CA1: variants seen among roughly 807,000 people sequenced by gnomAD.
The protein encoded by CA1 is carbonic anhydrase 1.
CA1 carries 27 observed loss-of-function variants against 28.8 expected under a neutral mutation model. The ratio of observed to expected loss-of-function variants is 0.94; its 90% CI spans 0.69 to 1.29. The LOEUF (loss-of-function observed/expected upper bound fraction) is 1.29, where lower values mean the gene tolerates loss of function less well. Among genes scored for constraint, CA1 ranks in the 50% most tolerant of loss-of-function variants. The pLI, the probability that CA1 is intolerant of heterozygous loss-of-function variation, is 0.00. For synonymous variants in CA1, 121 were observed against 108.8 expected, an observed-to-expected ratio of 1.11 and a Z score of -0.70; for missense variants, 335 against 310.5, an observed-to-expected ratio of 1.08 and a Z score of -0.59.
At chr8:85,336,020 T>C (rs1010189941) in intron 4 of CA1, among the ~76,000 whole-genome samples, 3 of 152,180 alleles carry the variant, frequency 2.0e-5, no homozygotes, top group Non-Finnish European at 4.4e-5. Context: ...ACTGAAGCAT[T>C]TTTTAATAAA....
intron 1 of CA1, among the ~76,000 whole-genome samples, chr8:85,365,106 A>T (rs1809954156): frequency 6.6e-6 from 1 of 152,238 alleles, no homozygotes; most frequent in Admixed American, 6.5e-5. Flanking sequence ...GAGCTGTATG[A>T]AGCAGAGCAA....
intron 1 of CA1, among the ~76,000 whole-genome samples, chr8:85,347,096 T>TA (rs1230474983): frequency 6.6e-6 from 1 of 152,174 alleles, no homozygotes; most frequent in Non-Finnish European, 1.5e-5. Flanking sequence ...ATTTTAAGGT[T>TA]AAAAAAACAT....
chr8:85,337,961 T>C (rs914937316), intron 3 of CA1: 2 of 509,514 alleles, frequency 3.9e-6, no homozygotes, highest in African/African-American at 1.9e-5. Flanking sequence ...CCTTTCTGGA[T>C]AAATGCTGTT....
intron 1 of CA1, among the ~76,000 whole-genome samples, chr8:85,356,346 TATA>T (rs1809605331): frequency 6.6e-6 from 1 of 152,104 alleles, no homozygotes; most frequent in African/African-American, 2.4e-5. Context: ...AAATAGTATA[TATA>T]AAGTGTCTCA....
chr8:85,373,666 G>A (rs1011789002), intron 1 of CA1, among the ~76,000 whole-genome samples: 4 of 152,064 alleles, frequency 2.6e-5, no homozygotes, highest in African/African-American at 7.2e-5. Flanking sequence ...TATAGGGTTC[G>A]GTACTAGCCA....
At chr8:85,375,980 C>T (rs975976104) in intron 1 of CA1, among the ~76,000 whole-genome samples, 1 of 152,112 alleles carries the variant, frequency 6.6e-6, no homozygotes, top group Non-Finnish European at 1.5e-5. Flanking sequence ...TGAATTCAGT[C>T]GAGTAGTGAA....
At chr8:85,330,946 A>G (rs1490119603) in intron 6 of CA1, among the ~76,000 whole-genome samples, 1 of 152,066 alleles carries the variant, frequency 6.6e-6, no homozygotes, top group East Asian at 1.9e-4. Flanking sequence ...TAGTTTTCAT[A>G]CCTGGTTTTG....
intron 1 of CA1, among the ~76,000 whole-genome samples, chr8:85,369,590 G>A (rs1206780537): frequency 6.6e-6 from 1 of 152,284 alleles, no homozygotes; most frequent in Non-Finnish European, 1.5e-5. Context: ...CAACAAGAAG[G>A]AGATGTTTAG....
At chr8:85,337,524 G>C (rs999543470) in intron 3 of CA1, among the ~76,000 whole-genome samples, 3 of 152,146 alleles carry the variant, frequency 2.0e-5, no homozygotes, top group Non-Finnish European at 2.9e-5. Context: ...TATCTTGACA[G>C]CTTTGTTGAG....
chr8:85,354,016 G>A (rs1809508473), intron 1 of CA1, among the ~76,000 whole-genome samples: 1 of 151,810 alleles, frequency 6.6e-6, no homozygotes, highest in Non-Finnish European at 1.5e-5. Context: ...ATGCTGGAGT[G>A]CAGTGATGTG....
intron 4 of CA1, among the ~76,000 whole-genome samples, chr8:85,334,730 C>T (rs969258989): frequency 2.6e-5 from 4 of 151,894 alleles, no homozygotes; most frequent in African/African-American, 4.8e-5. Context: ...CAGTATCTCA[C>T]GCCTGTAATT....
At chr8:85,377,543 G>A (rs1012634870) in intron 1 of CA1, among the ~76,000 whole-genome samples, 8 of 152,166 alleles carry the variant, frequency 5.3e-5, no homozygotes, top group South Asian at 4.1e-4. Flanking sequence ...AGTGGCTCAC[G>A]CCTCTAGTCC....
chr8:85,354,776 A>G (rs1809543716), intron 1 of CA1, among the ~76,000 whole-genome samples: 1 of 152,208 alleles, frequency 6.6e-6, no homozygotes. Flanking sequence ...GTTTGTGAGC[A>G]CAGTCTTAAA....
chr8:85,372,177 A>G (rs891449474), intron 1 of CA1, among the ~76,000 whole-genome samples: 1 of 152,170 alleles, frequency 6.6e-6, no homozygotes, highest in Non-Finnish European at 1.5e-5. Context: ...ACCATATGCC[A>G]TGGTAGAACT....
intron 1 of CA1, among the ~76,000 whole-genome samples, chr8:85,360,679 CCT>C (rs1809760401): frequency 6.6e-6 from 1 of 152,080 alleles, no homozygotes; most frequent in Non-Finnish European, 1.5e-5. Flanking sequence ...GGCGACACCC[CCT>C]GTCTCTAAAT....
At chr8:85,336,856 C>A in intron 4 of CA1, 89 bp downstream of exon 4, 1 of 814,678 alleles carries the variant, frequency 1.2e-6, no homozygotes, top group South Asian at 1.3e-5. Flanking sequence ...CCTTTGGAGT[C>A]ATTATGATGT....
At chr8:85,357,133 G>A (rs538663047) in intron 1 of CA1, among the ~76,000 whole-genome samples, 13 of 152,268 alleles carry the variant, frequency 8.5e-5, no homozygotes, top group Non-Finnish European at 1.6e-4. Context: ...AAATAGCTTC[G>A]TGTCAGGTCA....
At chr8:85,369,533 G>A (rs1810137811) in intron 1 of CA1, among the ~76,000 whole-genome samples, 1 of 152,146 alleles carries the variant, frequency 6.6e-6, no homozygotes, top group African/African-American at 2.4e-5. Context: ...AAGATCTTAA[G>A]TAAAGACATG....
rs149243694 is a variant in CA1, at chr8:85,374,692, C to T, written c.-25+3354G>A. ...CGATTAGCTCTGTCTCTGTGCATTTCACCATCTGTTTCTCTTCAATAACCT... is the reference window on the plus strand; with the variant it reads ...CGATTAGCTCTGTCTCTGTGCATTTTACCATCTGTTTCTCTTCAATAACCT... On this transcript the variant is annotated intron_variant, in intron 1 of 7. Transcript: ENST00000523022. 4.9e-4 allele frequency among the ~76,000 whole-genome samples: 74 copies of T among 152,328 alleles called. 2 individuals are homozygous for T. The East Asian group carries it at 0.014, about 29-fold the overall frequency.
Sources: gnomAD v4.1 joint callset for allele counts (sites outside exome capture counted in the v4.1 genomes callset) on GRCh38, gnomAD v4.1.1 for gene constraint, MANE v1.5 for transcripts, NCBI Gene and HGNC (gene_info 2026-07-23, HGNC 2026-07-21) for gene names.